The following PIGH variants were observed in gnomAD, a reference collection of about 807,000 sequenced individuals.
The protein encoded by PIGH is phosphatidylinositol glycan anchor biosynthesis class H.
In PIGH, 11 loss-of-function variants were observed where a neutral mutation model predicts 20.1. The ratio of observed to expected loss-of-function variants is 0.55; its 90% CI spans 0.34 to 0.91. PIGH has a LOEUF of 0.91. Ranked by LOEUF, PIGH falls within the 40% of genes least tolerant of loss-of-function variation. The pLI is 0.02. For synonymous variants in PIGH, 72 were observed against 93.1 expected, an observed-to-expected ratio of 0.77 and a Z score of 1.31; for missense variants, 189 against 233.6, an observed-to-expected ratio of 0.81 and a Z score of 1.24.
chr14:67,597,223 A>G (rs935076506), intron 1 of PIGH, among the ~76,000 whole-genome samples: 3 of 152,256 alleles, frequency 2.0e-5, no homozygotes, highest in African/African-American at 7.2e-5. Flanking sequence ...CATGCCTATA[A>G]TCCCAACACT....
chr14:67,598,950 T>TC (rs11389764), intron 1 of PIGH, among the ~76,000 whole-genome samples: 118,577 of 152,038 alleles, frequency 0.78, 46,470 homozygotes, highest in Middle Eastern at 0.84. Flanking sequence ...CCTCAAGTGA[T>TC]CCGCCCGCCT....
chr14:67,590,303 A>G, intron 3 of PIGH, 131 bp from the exon 4 acceptor site: 1 of 636,682 alleles, frequency 1.6e-6, no homozygotes, highest in Non-Finnish European at 2.4e-6. Flanking sequence ...CCCAGGCTGG[A>G]GTGCAGTGGC....
In PIGH at chr14:67,600,143, A is replaced by G. The variant is rs1398910350; in HGVS notation, c.61T>C (p.Tyr21His). Residue 21 changes from tyrosine (Y) to histidine (H), a missense_variant, in exon 1 of 4, where the codon TAC (tyrosine) becomes CAC (histidine). Transcript: ENST00000216452. ...AATTCCCGGCAGGACGGGGAGTAGTAGCGGCGCTGCAGCGCCAGGCGGCCG... is the reference window on the plus strand; with the variant it reads ...AATTCCCGGCAGGACGGGGAGTAGTGGCGGCGCTGCAGCGCCAGGCGGCCG... ...CGGRLALQRRYYSPSCREFCL... is the reference protein window; with the variant it reads ...CGGRLALQRRHYSPSCREFCL... The G allele has an allele frequency of 6.3e-7, 1 of 1,593,874 alleles. No individual in the cohort carries two copies. The highest frequency in any genetic ancestry group is 1.1e-5 in the South Asian group (1 of 88,446).
chr14:67,594,335 T>A (rs1391344801), intron 1 of PIGH, among the ~76,000 whole-genome samples: 2 of 151,944 alleles, frequency 1.3e-5, no homozygotes, highest in Non-Finnish European at 2.9e-5. Flanking sequence ...GGTACCAGCA[T>A]AAGACACTGT....
rs1297055721 is a variant in PIGH, at chr14:67,597,459, CAG to C, written c.180+2563_180+2564del. Among the ~76,000 whole-genome samples the C allele has an allele frequency of 7.3e-5, 11 of 150,468 alleles. No individual in the cohort carries two copies. In the East Asian group the frequency reaches 1.8e-3, roughly 24 times the overall value. ...CACCACTACACTCCAGCCTGGGCAA[CAG>C]AGTGAGAACCTGTCTCAAAAAAAAC... On this transcript the variant is annotated intron_variant, in intron 1 of 3. Transcript: ENST00000216452.
intron 1 of PIGH, among the ~76,000 whole-genome samples, chr14:67,594,626 C>T (rs1400649314): frequency 1.3e-5 from 2 of 151,568 alleles, no homozygotes; most frequent in African/African-American, 4.9e-5. Flanking sequence ...GCACTCCAGC[C>T]TGATGACAGA....
intron 1 of PIGH, among the ~76,000 whole-genome samples, chr14:67,594,859 C>T (rs977330415): frequency 6.6e-6 from 1 of 152,172 alleles, no homozygotes; most frequent in East Asian, 1.9e-4. Flanking sequence ...GCTCAGAACA[C>T]TTACATTAGG....
rs10681128 is a variant in PIGH at position 67,598,713 on chromosome 14, C to CTT, written c.180+1309_180+1310dup. Among the ~76,000 whole-genome samples, 227 of 144,304 alleles carry CTT rather than the reference C, an allele frequency of 1.6e-3. 12 individuals are homozygous for CTT. The highest frequency in any genetic ancestry group is 4.2e-3 in the South Asian group (19 of 4,570). 94.7% of individuals were successfully genotyped at this position (144,304 alleles called of 152,430 possible). A position where few individuals can be genotyped will look rare whatever the true frequency, so the allele number is the denominator to read the frequency against. ...TCATTTTAACTGACTTATGAACAAACTTTTTTTTTTTTTTGAGACAGAGTC... is the reference window on the plus strand; with the variant it reads ...TCATTTTAACTGACTTATGAACAAACTTTTTTTTTTTTTTTTGAGACAGAGTC... On this transcript the variant is annotated intron_variant, in intron 1 of 3. Transcript: ENST00000216452.
At chr14:67,591,571 C>T (rs2036369849) in intron 3 of PIGH, among the ~76,000 whole-genome samples, 1 of 152,130 alleles carries the variant, frequency 6.6e-6, no homozygotes, top group African/African-American at 2.4e-5. Flanking sequence ...GGTCTCTTGT[C>T]ACCCAGGCTG....
At position 67,593,867 on chromosome 14, in the gene PIGH, G is replaced by C; in HGVS notation, c.266C>G (p.Thr89Ser). 3 of 1,612,702 alleles carry C rather than the reference G, an allele frequency of 1.9e-6. No individual in the cohort carries two copies. Among genetic ancestry groups the C allele is most frequent in the Non-Finnish European group, 2.5e-6 (3 of 1,178,706 alleles). Residue 89 changes from threonine to serine, a missense_variant, in exon 2 of 4, where the codon ACT becomes AGT. Physicochemically the swap from Thr to Ser is moderately conservative, Grantham distance 58. Transcript: ENST00000216452. ...GCCAAGGGAATCAATGATTAACAGA[G>C]TCTCCTGATCAATCTTCACAAAATG... is the stretch of plus-strand genomic sequence containing the variant. ...YLHFVKIDQE[T>S]LLIIDSLGIQ...
intron 1 of PIGH, among the ~76,000 whole-genome samples, chr14:67,598,113 G>A (rs992223927): frequency 3.9e-5 from 6 of 152,144 alleles, no homozygotes; most frequent in African/African-American, 1.4e-4. Flanking sequence ...GGGTTAAGCT[G>A]TATGTTTGAA....
chr14:67,596,360 C>T lies in PIGH; in HGVS notation c.181-2408G>A, dbSNP rs183317513. The stretch of plus-strand genomic sequence containing the variant: ...TTCACTATGTTGGCCTGGCTGGTCT[C>T]GAACTCCTGACCTCAGGCAATCCAC... On this transcript the variant is annotated intron_variant, in intron 1 of 3. Transcript: ENST00000216452. Among the ~76,000 whole-genome samples the T allele has an allele frequency of 3.8e-3, 480 of 127,604 alleles. 4 individuals carry two copies. The highest frequency in any genetic ancestry group is 0.014 in the African/African-American group (467 of 34,244). 83.7% of individuals were successfully genotyped at this position (127,604 alleles called of 152,430 possible).
chr14:67,596,086 G>C (rs1259602603), intron 1 of PIGH, among the ~76,000 whole-genome samples: 1 of 152,014 alleles, frequency 6.6e-6, no homozygotes, highest in Admixed American at 6.6e-5. Context: ...ATTGGTGTGT[G>C]TTTCTTTCAT....
intron 1 of PIGH, among the ~76,000 whole-genome samples, chr14:67,595,193 C>T (rs2036450973): frequency 6.6e-6 from 1 of 152,062 alleles, no homozygotes; most frequent in African/African-American, 2.4e-5. Context: ...TACAGTTGGG[C>T]AAATCATGTA....
rs995804998 is a variant in PIGH, at chr14:67,600,237, G to GCTGCACTGCGCTCGCCGGC, written c.-53_-35dup. The GCTGCACTGCGCTCGCCGGC allele has an allele frequency of 2.7e-6, 4 of 1,506,852 alleles. No homozygotes were observed. In the African/African-American group the frequency reaches 5.6e-5, roughly 21 times the overall value. 93.3% of individuals were successfully genotyped at this position (1,506,852 alleles called of 1,614,324 possible). On this transcript the variant is annotated 5_prime_UTR_variant, in exon 1 of 4. Transcript: ENST00000216452. ...CACTCGGCCGCCCGCACCGCGCGGCGCTGCACTGCGCTCGCCGGCCCTGGC... is the reference window on the plus strand; with the variant it reads ...CACTCGGCCGCCCGCACCGCGCGGCGCTGCACTGCGCTCGCCGGCCTGCACTGCGCTCGCCGGCCCTGGC...
At chr14:67,597,355 G>A (rs1057485749) in intron 1 of PIGH, among the ~76,000 whole-genome samples, 3 of 152,138 alleles carry the variant, frequency 2.0e-5, no homozygotes, top group Admixed American at 6.6e-5. Context: ...GCACATGCCT[G>A]TAGTCCCAGC....
At chr14:67,591,416 A>G (rs2036365715) in intron 3 of PIGH, among the ~76,000 whole-genome samples, 1 of 152,252 alleles carries the variant, frequency 6.6e-6, no homozygotes, top group African/African-American at 2.4e-5. Flanking sequence ...AATGCAAAAT[A>G]ATTTTTGGCT....
At chr14:67,592,340 T>C in intron 3 of PIGH, 1 of 441,782 alleles carries the variant, frequency 2.3e-6, no homozygotes, top group Non-Finnish European at 4.1e-6. Context: ...CTCAGGAGGC[T>C]GAGGCAGGAG....
rs1223714860 is a variant in PIGH at position 67,590,071 on chromosome 14, C to G, written c.*9G>C. The G allele has an allele frequency of 5.2e-6, 8 of 1,548,704 alleles. No individual in the cohort carries two copies. The highest frequency in any genetic ancestry group is 7.0e-6 in the Non-Finnish European group (8 of 1,146,304). On this transcript the variant is annotated 3_prime_UTR_variant, in exon 4 of 4. Coordinates refer to ENST00000216452, the MANE Select transcript of PIGH (RefSeq NM_004569.5). ...TGGAAGACAATGCTGGCCTTCTGAA[C>G]GCTGGGGCTCATGGGCTTGTTGATG...
Sources: gnomAD v4.1 joint callset for allele counts (sites outside exome capture counted in the v4.1 genomes callset) on GRCh38, gnomAD v4.1.1 for gene constraint, MANE v1.5 for transcripts, NCBI Gene and HGNC (gene_info 2026-07-23, HGNC 2026-07-21) for gene names.